The following TIAM1 variants were observed in gnomAD, a reference collection of about 807,000 sequenced individuals.
TIAM1 encodes the protein TIAM Rac1 associated GEF 1, also known as rho guanine nucleotide exchange factor TIAM1.
Under a neutral mutation model 163.5 loss-of-function variants are expected in TIAM1, and 65 were observed. The observed-to-expected ratio is 0.40, with a 90% CI of 0.33 to 0.49. The LOEUF is 0.49. Ranked by LOEUF, TIAM1 falls within the 20% of genes least tolerant of loss-of-function variation. The pLI is 0.77. For synonymous variants in TIAM1, 833 were observed against 810.1 expected (o/e 1.03, Z -0.48); for missense variants, 1,789 against 2,044.7 (o/e 0.87, Z 2.41).
At chr21:31,243,142 A>G (rs2071288373) in intron 6 of TIAM1, among the ~76,000 whole-genome samples, 1 of 145,726 alleles carries the variant, frequency 6.9e-6, no homozygotes, top group Non-Finnish European at 1.5e-5. Flanking sequence ...TGGTGAGCTG[A>G]GATTGTGCCA....
chr21:31,191,205 A>G lies in TIAM1; in HGVS notation c.2575+4019T>C, dbSNP rs112403029. Among the ~76,000 whole-genome samples, 629 of 152,036 alleles carry G rather than the reference A, an allele frequency of 4.1e-3. 2 individuals carry two copies. Among genetic ancestry groups the G allele is most frequent in the African/African-American group, 0.014 (577 of 41,432 alleles). ...TGAGACAGAGTCTCACTCTGTCACCAGGCGGGAGTGCAGTGGCACAATCTC... is the reference window on the plus strand; with the variant it reads ...TGAGACAGAGTCTCACTCTGTCACCGGGCGGGAGTGCAGTGGCACAATCTC... On this transcript the variant is annotated intron_variant, in intron 13 of 27. Coordinates refer to ENST00000541036, the MANE Select transcript of TIAM1 (RefSeq NM_001353694.2).
chr21:31,427,117 G>A (rs910104025), intron 2 of TIAM1, among the ~76,000 whole-genome samples: 6 of 151,988 alleles, frequency 3.9e-5, no homozygotes, highest in Admixed American at 6.6e-5. Context: ...ACAAGATCTC[G>A]CAATATTGCC....
At chr21:31,387,051 G>A (rs543234138) in intron 2 of TIAM1, among the ~76,000 whole-genome samples, 1 of 152,212 alleles carries the variant, frequency 6.6e-6, no homozygotes, top group South Asian at 2.1e-4. Context: ...TCTCTTAGCT[G>A]TGGCACCACC....
chr21:31,186,941 A>C, intron 14 of TIAM1, 60 bp downstream of exon 14: 1 of 1,422,240 alleles, frequency 7.0e-7, no homozygotes, highest in Non-Finnish European at 9.9e-7. Flanking sequence ...TCCTTCAAAA[A>C]CTAGAGAAGC....
At chr21:31,438,070 C>T (rs918746309) in intron 2 of TIAM1, among the ~76,000 whole-genome samples, 1 of 151,888 alleles carries the variant, frequency 6.6e-6, no homozygotes, top group African/African-American at 2.4e-5. Context: ...GGAGCAGCTA[C>T]CCTCATCAAC....
chr21:31,120,309 G>C lies in TIAM1; in HGVS notation c.*59C>G. The C allele has an allele frequency of 6.7e-7, 1 of 1,495,620 alleles. No individual in the cohort carries two copies. Among genetic ancestry groups the C allele is most frequent in the Non-Finnish European group, 9.0e-7 (1 of 1,106,830 alleles). 92.6% of individuals were successfully genotyped at this position (1,495,620 alleles called of 1,614,324 possible). ...ACATTCTTGTCGACGGTACAGGAGG[G>C]TGGGCAGAGTTAGGGCAGGAAGTAT... is the stretch of plus-strand genomic sequence containing the variant. On this transcript the variant is annotated 3_prime_UTR_variant, in exon 28 of 28. Coordinates refer to ENST00000541036, the MANE Select transcript of TIAM1 (RefSeq NM_001353694.2). The surrounding 1 kb of genome is among the most constrained non-coding windows in gnomAD (Gnocchi z 4.2).
chr21:31,305,451 T>C (rs1967615809), intron 2 of TIAM1, among the ~76,000 whole-genome samples: 1 of 151,794 alleles, frequency 6.6e-6, no homozygotes, highest in Non-Finnish European at 1.5e-5. Flanking sequence ...GTTCTTAGCC[T>C]TTTTCCTTCT....
chr21:31,407,345 A>G (rs779043973), intron 2 of TIAM1, among the ~76,000 whole-genome samples: 8 of 152,088 alleles, frequency 5.3e-5, no homozygotes, highest in Non-Finnish European at 1.0e-4. Context: ...ATTAATTTAC[A>G]CACCATCAGT....
rs762254951 is a variant in TIAM1 at position 31,245,590 on chromosome 21, G to C, written c.1482C>G (p.Ala494=). The C allele has an allele frequency of 4.4e-6, 7 of 1,608,108 alleles. No homozygotes were observed. The African/African-American group carries it at 6.7e-5, about 15-fold the overall frequency. Residue 494 remains alanine (A), a synonymous_variant, in exon 6 of 28, where the codon GCC becomes GCG. Transcript: ENST00000541036. ...GCACAATGCTGTTCTCCACCCAGAC[G>C]GCGTGTTTGGGGATGCTGTTGTGGT... ...GIDHNSIPKH[A]VWVENSIVQA... is the part of the protein sequence containing the mutation.
intron 1 of TIAM1, among the ~76,000 whole-genome samples, chr21:31,525,691 AG>A (rs893746552): frequency 4.5e-4 from 69 of 152,230 alleles, no homozygotes; most frequent in African/African-American, 1.5e-3. Flanking sequence ...CCCCTGTACC[AG>A]GGACTCTTAT....
chr21:31,414,464 T>C (rs2043305803), intron 2 of TIAM1, among the ~76,000 whole-genome samples: 1 of 152,204 alleles, frequency 6.6e-6, no homozygotes, highest in Non-Finnish European at 1.5e-5. Flanking sequence ...CTAACAGGGC[T>C]AATTCCAGGG....
intron 13 of TIAM1, among the ~76,000 whole-genome samples, chr21:31,191,508 T>C (rs564207016): frequency 6.6e-6 from 1 of 152,312 alleles, no homozygotes; most frequent in South Asian, 2.1e-4. Context: ...TGTTTGCTAA[T>C]GGCAGTAATG....
chr21:31,327,239 C>T (rs150096525), intron 2 of TIAM1, among the ~76,000 whole-genome samples: 82 of 152,256 alleles, frequency 5.4e-4, no homozygotes, highest in African/African-American at 1.9e-3. Flanking sequence ...GCAGAGAACC[C>T]GAAATTATCT....
intron 20 of TIAM1, among the ~76,000 whole-genome samples, chr21:31,145,422 G>A (rs1442401569): frequency 1.3e-5 from 2 of 152,350 alleles, no homozygotes; most frequent in Non-Finnish European, 1.5e-5. Context: ...CTACAGTGAA[G>A]TGTTAAGGAA....
At chr21:31,143,106 G>T (rs1025655875) in intron 20 of TIAM1, among the ~76,000 whole-genome samples, 1 of 152,084 alleles carries the variant, frequency 6.6e-6, no homozygotes, top group African/African-American at 2.4e-5. Context: ...CACTCTGGAC[G>T]TTTCCAGTGT....
intron 9 of TIAM1, among the ~76,000 whole-genome samples, chr21:31,213,866 CAAAAAA>C (rs35524539): frequency 2.2e-4 from 12 of 54,848 alleles, no homozygotes; most frequent in African/African-American, 5.6e-4. Context: ...CTCATCTCTA[CAAAAAA>C]AAAAAAAAAA....
chr21:31,317,698 A>T (rs2075174131), intron 2 of TIAM1, among the ~76,000 whole-genome samples: 1 of 152,094 alleles, frequency 6.6e-6, no homozygotes, highest in African/African-American at 2.4e-5. Context: ...AAGAATCCCT[A>T]GAACCCAGGA....
At chr21:31,472,185 A>G (rs139504109) in intron 1 of TIAM1, among the ~76,000 whole-genome samples, 57 of 152,314 alleles carry the variant, frequency 3.7e-4, no homozygotes, top group African/African-American at 1.2e-3. Context: ...TCATAATCAT[A>G]GTACCTGTGT....
intron 2 of TIAM1, among the ~76,000 whole-genome samples, chr21:31,386,620 C>T (rs1294228845): frequency 6.6e-6 from 1 of 152,092 alleles, no homozygotes; most frequent in Non-Finnish European, 1.5e-5. Context: ...GGAGCAGAGA[C>T]CCCTGCAAAC....
Sources: gnomAD v4.1 joint callset for allele counts (sites outside exome capture counted in the v4.1 genomes callset) on GRCh38, gnomAD v4.1.1 for gene constraint, Gnocchi (gnomAD v3.1) non-coding constraint, MANE v1.5 for transcripts, NCBI Gene and HGNC (gene_info 2026-07-23, HGNC 2026-07-21) for gene names.